LRP1B: variants seen among roughly 807,000 people sequenced by gnomAD.
The protein encoded by LRP1B is LDL receptor related protein 1B.
LRP1B carries 217 observed loss-of-function variants against 556.6 expected under a neutral mutation model. That is an observed-to-expected ratio of 0.39 (90% CI 0.35 to 0.44). The LOEUF (loss-of-function observed/expected upper bound fraction) is 0.44, where lower values mean the gene tolerates loss of function less well. Among genes scored for constraint, LRP1B ranks in the 20% least tolerant of loss-of-function variants. The pLI is 1.00. For missense variants in LRP1B, 5,053 were observed against 5,620.8 expected, an observed-to-expected ratio of 0.90 and a Z score of 3.23; for synonymous variants, 2,047 against 1,865.8, an observed-to-expected ratio of 1.10 and a Z score of -2.50.
At chr2:141,380,574 T>TC (rs1396152056) in intron 3 of LRP1B, among the ~76,000 whole-genome samples, 1 of 152,194 alleles carries the variant, frequency 6.6e-6, no homozygotes, top group Non-Finnish European at 1.5e-5. Context: ...CTGACAGGGC[T>TC]TGGAATTCAT....
intron 23 of LRP1B, chr2:140,898,793 A>T: frequency 1.8e-6 from 1 of 549,516 alleles, no homozygotes; most frequent in South Asian, 1.5e-5. Context: ...GAGCGCTATC[A>T]CCCAACTTTG....
At chr2:140,849,626 G>T (rs1032037204) in intron 29 of LRP1B, among the ~76,000 whole-genome samples, 13 of 151,636 alleles carry the variant, frequency 8.6e-5, no homozygotes, top group African/African-American at 2.9e-4. Context: ...TGCAACCTCC[G>T]CCTGCCAGGT....
At chr2:140,794,497 A>G (rs1437521992) in intron 32 of LRP1B, among the ~76,000 whole-genome samples, 2 of 150,912 alleles carry the variant, frequency 1.3e-5, no homozygotes, top group African/African-American at 2.4e-5. Flanking sequence ...ACACACACAC[A>G]CACACACACA....
chr2:140,766,844 T>TATAA (rs1491148843), intron 35 of LRP1B, among the ~76,000 whole-genome samples: 1 of 54,936 alleles, frequency 1.8e-5, no homozygotes, highest in African/African-American at 6.0e-5. Flanking sequence ...TATATATATA[T>TATAA]TATATATATA....
chr2:141,038,113 C>T (rs894495933), intron 11 of LRP1B, among the ~76,000 whole-genome samples: 1 of 146,826 alleles, frequency 6.8e-6, no homozygotes, highest in Non-Finnish European at 1.5e-5. Context: ...GATATTCAGC[C>T]CAGAAAAGTA....
chr2:141,840,842 C>A (rs1697444176), intron 1 of LRP1B, among the ~76,000 whole-genome samples: 1 of 151,858 alleles, frequency 6.6e-6, no homozygotes, highest in Non-Finnish European at 1.5e-5. Flanking sequence ...CTACTACAAT[C>A]CAAATATGGA....
rs187382850 is a variant in LRP1B, at chr2:142,056,005, G to A, written c.82+74643C>T. Among the ~76,000 whole-genome samples, 3 of 152,190 alleles carry A rather than the reference G, an allele frequency of 2.0e-5. No individual in the cohort carries two copies. The East Asian group carries it at 5.8e-4, about 29-fold the overall frequency. ...GTCTCTACTAAAAATACAAAAATTA[G>A]CTGGGCGTGGTATCGCATGCCTGTA... On this transcript the variant is annotated intron_variant, in intron 1 of 90. Transcript: ENST00000389484.
rs529103324 is a variant in LRP1B, at chr2:141,128,769, C to T, written c.1013+59652G>A. Among the ~76,000 whole-genome samples, 20 of 152,092 alleles carry T rather than the reference C, an allele frequency of 1.3e-4. No individual in the cohort carries two copies. In the South Asian group the frequency reaches 3.1e-3, roughly 24 times the overall value. On this transcript the variant is annotated intron_variant, in intron 7 of 90. Coordinates refer to ENST00000389484, the MANE Select transcript of LRP1B (RefSeq NM_018557.3). ...CCGAGTAGCTGGGATTACAGGCATG[C>T]GCCACCATGCTCAGCTAATATAATG...
At chr2:141,056,643 T>C (rs548561564) in intron 9 of LRP1B, among the ~76,000 whole-genome samples, 24 of 151,964 alleles carry the variant, frequency 1.6e-4, no homozygotes, top group Non-Finnish European at 2.9e-4. Flanking sequence ...TCCTATTCTT[T>C]TCAGCTTATT....
chr2:140,792,030 T>C (rs1690138757), intron 32 of LRP1B, among the ~76,000 whole-genome samples: 1 of 152,168 alleles, frequency 6.6e-6, no homozygotes, highest in Non-Finnish European at 1.5e-5. Flanking sequence ...TCCCTGACAG[T>C]AGGCACTGAG....
intron 11 of LRP1B, among the ~76,000 whole-genome samples, chr2:141,020,327 TAC>T (rs1370896349): frequency 5.9e-5 from 9 of 152,086 alleles, no homozygotes; most frequent in Admixed American, 5.9e-4. Context: ...CTCTCAATTG[TAC>T]ACAGTGTTAA....
chr2:140,908,698 AT>A (rs1412863016), intron 21 of LRP1B, among the ~76,000 whole-genome samples: 3 of 152,092 alleles, frequency 2.0e-5, no homozygotes, highest in African/African-American at 7.2e-5. Context: ...AATTTATAGA[AT>A]TTTTTTATTG....
At chr2:141,964,701 C>T (rs1302298050) in intron 1 of LRP1B, among the ~76,000 whole-genome samples, 4 of 150,232 alleles carry the variant, frequency 2.7e-5, no homozygotes, top group Non-Finnish European at 4.5e-5. Flanking sequence ...ACTTCATGTC[C>T]AAAACACCAA....
intron 41 of LRP1B, among the ~76,000 whole-genome samples, chr2:140,634,645 T>C (rs920909674): frequency 1.4e-4 from 22 of 152,110 alleles, no homozygotes; most frequent in Non-Finnish European, 2.8e-4. Context: ...GTGGTATGCA[T>C]ATTTGACATG....
intron 1 of LRP1B, among the ~76,000 whole-genome samples, chr2:141,883,334 G>C (rs561564933): frequency 6.6e-6 from 1 of 152,118 alleles, no homozygotes; most frequent in African/African-American, 2.4e-5. Context: ...ATAACAATAA[G>C]TGTTCTTGAT....
intron 2 of LRP1B, among the ~76,000 whole-genome samples, chr2:141,508,573 C>T (rs1161820106): frequency 6.6e-6 from 1 of 151,964 alleles, no homozygotes; most frequent in Non-Finnish European, 1.5e-5. Context: ...TTTTATACTC[C>T]AAGTTTACTT....
chr2:141,444,822 G>A lies in LRP1B; in HGVS notation c.343+35574C>T, dbSNP rs1041804425. Among the ~76,000 whole-genome samples the A allele has an allele frequency of 4.6e-5, 7 of 152,202 alleles. No individual in the cohort carries two copies. The South Asian group carries it at 6.2e-4, about 14-fold the overall frequency. ...TGCTTTTTGATGTGCTGCTGGATTC[G>A]GTTTGCCAGTATTTTATTGAGGATT... On this transcript the variant is annotated intron_variant, in intron 3 of 90. Coordinates refer to ENST00000389484, the MANE Select transcript of LRP1B (RefSeq NM_018557.3).
chr2:141,125,244 G>T (rs973123709), intron 7 of LRP1B, among the ~76,000 whole-genome samples: 2 of 152,144 alleles, frequency 1.3e-5, no homozygotes, highest in African/African-American at 4.8e-5. Context: ...ATGCAAACTT[G>T]CTATGTTGAC....
intron 33 of LRP1B, among the ~76,000 whole-genome samples, chr2:140,771,493 A>C (rs1303077070): frequency 6.6e-6 from 1 of 152,218 alleles, no homozygotes; most frequent in African/African-American, 2.4e-5. Flanking sequence ...AATTTTTAAA[A>C]GCAGGGAAAT....
Sources: allele counts gnomAD v4.1 joint callset (sites outside exome capture counted in the v4.1 genomes callset), GRCh38; gene constraint gnomAD v4.1.1; transcripts MANE v1.5; gene names NCBI Gene and HGNC (gene_info 2026-07-23, HGNC 2026-07-21).